STXBP5L: variants seen among roughly 807,000 people sequenced by gnomAD.
STXBP5L encodes the protein syntaxin binding protein 5L, also known as syntaxin-binding protein 5-like.
In STXBP5L, 65 loss-of-function variants were observed where a neutral mutation model predicts 144.5. That is an observed-to-expected ratio of 0.45 (90% CI 0.37 to 0.55). STXBP5L has a LOEUF of 0.55. Among genes scored for constraint, STXBP5L ranks in the 20% least tolerant of loss-of-function variants. The pLI is 0.00. For synonymous variants in STXBP5L, 505 were observed against 469.6 expected, an observed-to-expected ratio of 1.08 and a Z score of -0.97; for missense variants, 1,298 against 1,405.5, an observed-to-expected ratio of 0.92 and a Z score of 1.22.
intron 20 of STXBP5L, among the ~76,000 whole-genome samples, chr3:121,355,869 T>C (rs934226876): frequency 6.6e-6 from 1 of 152,186 alleles, no homozygotes; most frequent in Non-Finnish European, 1.5e-5. Context: ...CAGATGGGGT[T>C]TTGGTGTAGA....
At chr3:121,419,003 A>T in intron 26 of STXBP5L, 53 bp from the exon 27 acceptor site, 3 of 1,580,066 alleles carry the variant, frequency 1.9e-6, no homozygotes, top group Non-Finnish European at 2.6e-6. Context: ...CTTGCTTTGA[A>T]TAGCACTTTT....
At chr3:121,203,058 A>G (rs1054919511) in intron 9 of STXBP5L, among the ~76,000 whole-genome samples, 5 of 143,226 alleles carry the variant, frequency 3.5e-5, no homozygotes, top group African/African-American at 1.3e-4. Flanking sequence ...ATACTCCTTC[A>G]TTCTTTTTTT....
At chr3:121,298,012 G>A (rs1353709734) in intron 19 of STXBP5L, among the ~76,000 whole-genome samples, 5 of 152,144 alleles carry the variant, frequency 3.3e-5, no homozygotes, top group African/African-American at 7.2e-5. Context: ...AGGATTGCTG[G>A]ATCATATAGT....
intron 5 of STXBP5L, among the ~76,000 whole-genome samples, chr3:121,075,883 C>T (rs2041999481): frequency 6.6e-6 from 1 of 152,180 alleles, no homozygotes; most frequent in South Asian, 2.1e-4. Context: ...GTTCTCCAGC[C>T]TCTAGAGAGC....
intron 8 of STXBP5L, among the ~76,000 whole-genome samples, chr3:121,156,153 A>G (rs1433569654): frequency 1.3e-5 from 2 of 152,004 alleles, no homozygotes; most frequent in African/African-American, 2.4e-5. Context: ...AGAAAACACA[A>G]GTCCAGGATT....
intron 20 of STXBP5L, among the ~76,000 whole-genome samples, chr3:121,355,657 G>T (rs1327020996): frequency 6.6e-6 from 1 of 152,084 alleles, no homozygotes; most frequent in Non-Finnish European, 1.5e-5. Flanking sequence ...GGAGAAGTTT[G>T]TTATTATTGA....
At chr3:120,965,231 C>T (rs914738220) in intron 3 of STXBP5L, among the ~76,000 whole-genome samples, 1 of 152,124 alleles carries the variant, frequency 6.6e-6, no homozygotes, top group African/African-American at 2.4e-5. Context: ...GACTGTTTAT[C>T]CAATTTGCCA....
At chr3:121,360,879 C>T (rs1209556985) in intron 20 of STXBP5L, among the ~76,000 whole-genome samples, 4 of 152,152 alleles carry the variant, frequency 2.6e-5, no homozygotes, top group East Asian at 3.9e-4. Context: ...TTACTATTAC[C>T]AGTAAGTTTT....
At chr3:120,992,708 G>T (rs1943022877) in intron 3 of STXBP5L, among the ~76,000 whole-genome samples, 1 of 152,038 alleles carries the variant, frequency 6.6e-6, no homozygotes, top group East Asian at 1.9e-4. Context: ...ATCCATTGAT[G>T]GAAACTTAGC....
intron 3 of STXBP5L, among the ~76,000 whole-genome samples, chr3:120,979,203 G>T (rs1164532465): frequency 6.6e-6 from 1 of 152,202 alleles, no homozygotes; most frequent in Non-Finnish European, 1.5e-5. Flanking sequence ...GCTTCCCCCA[G>T]TTGGAGCTTC....
chr3:121,321,011 T>C (rs544530016), intron 20 of STXBP5L, among the ~76,000 whole-genome samples: 3 of 152,342 alleles, frequency 2.0e-5, no homozygotes, highest in Admixed American at 6.5e-5. Context: ...CACTTTATTT[T>C]TAATTTCAAA....
At position 121,114,979 on chromosome 3, in the gene STXBP5L, A is replaced by G; in HGVS notation, c.525A>G (p.Glu175=). 1 of 1,601,906 alleles carries G rather than the reference A, an allele frequency of 6.2e-7. No homozygotes were observed. The highest frequency in any genetic ancestry group is 8.5e-7 in the Non-Finnish European group (1 of 1,175,334). The change falls in exon 6 of 27, where the codon GAA becomes GAG. Residue 175 remains glutamate, a synonymous_variant. Transcript: ENST00000471454. The part of the protein sequence containing the change: ...FQSKWLYVGT[E]RGNTHIVNIE... Reference sequence around the variant, plus strand: ...GTAAATGGCTTTATGTTGGAACAGAAAGAGGAAATACACATATTGTAAATA... The same window carrying G: ...GTAAATGGCTTTATGTTGGAACAGAGAGAGGAAATACACATATTGTAAATA...
intron 20 of STXBP5L, among the ~76,000 whole-genome samples, chr3:121,337,439 T>TA (rs59662899): frequency 0.33 from 23,575 of 70,918 alleles, 2,878 homozygotes; most frequent in African/African-American, 0.4. Flanking sequence ...GCAACAACAG[T>TA]AAAAAAAAAA....
At chr3:120,998,200 C>A (rs1943502823) in intron 3 of STXBP5L, among the ~76,000 whole-genome samples, 1 of 152,086 alleles carries the variant, frequency 6.6e-6, no homozygotes, top group African/African-American at 2.4e-5. Flanking sequence ...TTTTACCACT[C>A]CAATTCAACA....
At chr3:121,081,954 C>G (rs1380898831) in intron 5 of STXBP5L, among the ~76,000 whole-genome samples, 1 of 152,126 alleles carries the variant, frequency 6.6e-6, no homozygotes, top group Non-Finnish European at 1.5e-5. Flanking sequence ...TTTCAAGATT[C>G]TTTATTTTTT....
intron 18 of STXBP5L, among the ~76,000 whole-genome samples, chr3:121,273,347 G>T (rs746152041): frequency 2.0e-5 from 3 of 151,436 alleles, no homozygotes; most frequent in Admixed American, 6.6e-5. Context: ...CCATTCTCTG[G>T]TGCTGTATGG....
At chr3:121,187,746 C>A (rs1226548887) in intron 9 of STXBP5L, among the ~76,000 whole-genome samples, 1 of 151,702 alleles carries the variant, frequency 6.6e-6, no homozygotes, top group Non-Finnish European at 1.5e-5. Context: ...CATAGTCTGG[C>A]AAATTGGATA....
intron 9 of STXBP5L, among the ~76,000 whole-genome samples, chr3:121,178,135 A>C (rs1003478022): frequency 3.3e-5 from 5 of 152,174 alleles, no homozygotes; most frequent in Non-Finnish European, 5.9e-5. Flanking sequence ...AAGGGGATAT[A>C]AAGAGTTATT....
Position 121,367,790 on chromosome 3 carries a change from C to CTTTTTTTTT in STXBP5L, c.2177-10919_2177-10911dup, listed in dbSNP as rs200992044. ...CACTTGGCTAATTTTTTTGCTTTTCCTTTTTTTTTTTTTTTGTAGAGACCA... is the reference window on the plus strand; with the variant it reads ...CACTTGGCTAATTTTTTTGCTTTTCCTTTTTTTTTTTTTTTTTTTTTTTTGTAGAGACCA... On this transcript the variant is annotated intron_variant, in intron 20 of 26. Coordinates refer to ENST00000471454, the MANE Select transcript of STXBP5L (RefSeq NM_001308330.2). Among the ~76,000 whole-genome samples, 391 of 106,254 alleles carry CTTTTTTTTT rather than the reference C, an allele frequency of 3.7e-3. 19 individuals are homozygous for CTTTTTTTTT. Among genetic ancestry groups the CTTTTTTTTT allele is most frequent in the Middle Eastern group, 7.6e-3 (1 of 132 alleles). 69.7% of individuals were successfully genotyped at this position (106,254 alleles called of 152,430 possible). A position where few individuals can be genotyped will look rare whatever the true frequency, so the allele number is the denominator to read the frequency against.
Sources: gnomAD v4.1 joint callset for allele counts (sites outside exome capture counted in the v4.1 genomes callset) on GRCh38, gnomAD v4.1.1 for gene constraint, MANE v1.5 for transcripts, NCBI Gene and HGNC (gene_info 2026-07-23, HGNC 2026-07-21) for gene names.